Variants in PTPRG observed in about 807,000 individuals in gnomAD.
PTPRG encodes the protein receptor-type tyrosine-protein phosphatase gamma.
Under a neutral mutation model 165.3 loss-of-function variants are expected in PTPRG, and 102 were observed. The observed-to-expected ratio is 0.62, with a 90% CI of 0.53 to 0.73. The LOEUF (loss-of-function observed/expected upper bound fraction) is 0.73, where lower values mean the gene tolerates loss of function less well. PTPRG is among the 30% of genes least tolerant of loss of function. The probability of loss-of-function intolerance (pLI) is 0.00; values close to 1 mark genes in which losing one functional copy is unlikely to be tolerated. For synonymous variants in PTPRG, 675 were observed against 669.5 expected, an observed-to-expected ratio of 1.01 and a Z score of -0.13; for missense variants, 1,866 against 1,861.4, an observed-to-expected ratio of 1.00 and a Z score of -0.05.
intron 5 of PTPRG, among the ~76,000 whole-genome samples, chr3:62,097,904 A>T (rs763716802): frequency 6.6e-6 from 1 of 152,256 alleles, no homozygotes; most frequent in Admixed American, 6.5e-5. Context: ...TTAAATGCAC[A>T]TTATGATGTT....
intron 1 of PTPRG, among the ~76,000 whole-genome samples, chr3:61,683,100 T>C (rs1703507601): frequency 2.0e-5 from 3 of 152,230 alleles, no homozygotes. Flanking sequence ...TACAGGGATG[T>C]CACACCTGGG....
intron 10 of PTPRG, among the ~76,000 whole-genome samples, chr3:62,197,890 CTT>C (rs1376957984): frequency 1.3e-5 from 2 of 152,202 alleles, no homozygotes; most frequent in African/African-American, 4.8e-5. Flanking sequence ...TGTCTACAGA[CTT>C]TCTTTCCTCA....
chr3:61,798,628 T>TTTG (rs1424533695), intron 2 of PTPRG, among the ~76,000 whole-genome samples: 2 of 151,656 alleles, frequency 1.3e-5, no homozygotes, highest in Non-Finnish European at 2.9e-5. Flanking sequence ...GGTTTTTTTT[T>TTTG]TTTTTTTTTT....
chr3:62,165,688 G>A (rs1427151718), intron 7 of PTPRG, among the ~76,000 whole-genome samples: 2 of 152,122 alleles, frequency 1.3e-5, no homozygotes, highest in Non-Finnish European at 2.9e-5. Context: ...TATGTAAAAG[G>A]CAGAAAAAAT....
At chr3:62,175,545 A>G (rs1705387299) in intron 8 of PTPRG, among the ~76,000 whole-genome samples, 1 of 152,224 alleles carries the variant, frequency 6.6e-6, no homozygotes, top group African/African-American at 2.4e-5. Context: ...TTTAATCCTC[A>G]AAACAACCTC....
intron 2 of PTPRG, among the ~76,000 whole-genome samples, chr3:61,974,513 G>C (rs11130865): frequency 6.6e-6 from 1 of 151,520 alleles, no homozygotes; most frequent in Non-Finnish European, 1.5e-5. Context: ...AGATCATGCC[G>C]TTGCACTACA....
intron 2 of PTPRG, among the ~76,000 whole-genome samples, chr3:61,843,676 C>T (rs1393664588): frequency 2.0e-5 from 3 of 152,000 alleles, no homozygotes; most frequent in African/African-American, 4.8e-5. Context: ...AATGTTTATT[C>T]TATCGGCAGG....
At chr3:61,930,738 C>T (rs893865931) in intron 2 of PTPRG, among the ~76,000 whole-genome samples, 4 of 152,088 alleles carry the variant, frequency 2.6e-5, no homozygotes, top group African/African-American at 4.8e-5. Context: ...ATTATGCTGT[C>T]GAACCACTGT....
At chr3:62,267,333 C>T in intron 17 of PTPRG, 77 bp from the exon 18 acceptor site, 2 of 1,114,794 alleles carry the variant, frequency 1.8e-6, no homozygotes, top group Non-Finnish European at 2.6e-6. Flanking sequence ...ACCTGATTGC[C>T]TTGTGTTGTG....
At position 62,274,217 on chromosome 3, in the gene PTPRG, G is replaced by A. The variant is rs1433213810; in HGVS notation, c.3465+373G>A. 2.0e-5 allele frequency among the ~76,000 whole-genome samples: 3 copies of A among 152,030 alleles called. No individual in the cohort carries two copies. The East Asian group carries it at 5.8e-4, about 29-fold the overall frequency. ...AAGAATGATGACTTGTAGACATATT[G>A]TCCTAAAAATATGCCTATTTCAAAA... On this transcript the variant is annotated intron_variant, in intron 23 of 29. Coordinates refer to ENST00000474889, the MANE Select transcript of PTPRG (RefSeq NM_002841.4).
chr3:61,795,594 C>G lies in PTPRG; in HGVS notation c.190+46612C>G, dbSNP rs542742513. ...AGCAGAGGTTGCAGTGAGCCGAGAT[C>G]GTGCCACTGCACTCCAGCCTGGGTG... On this transcript the variant is annotated intron_variant, in intron 2 of 29. Coordinates refer to ENST00000474889, the MANE Select transcript of PTPRG (RefSeq NM_002841.4). Among the ~76,000 whole-genome samples the G allele has an allele frequency of 6.2e-3, 733 of 117,426 alleles. 12 individuals are homozygous for G. Among genetic ancestry groups the G allele is most frequent in the African/African-American group, 0.023 (697 of 30,974 alleles). The allele number at this position is 117,426 out of a possible 152,430, so 77.0% of individuals were successfully genotyped here. A position where few individuals can be genotyped will look rare whatever the true frequency, so the allele number is the denominator to read the frequency against.
intron 4 of PTPRG, among the ~76,000 whole-genome samples, chr3:62,062,341 A>G (rs2106694313): frequency 6.6e-6 from 1 of 152,270 alleles, no homozygotes; most frequent in Non-Finnish European, 1.5e-5. Flanking sequence ...AGCAGGATGA[A>G]CTGTTGTTTG....
intron 1 of PTPRG, among the ~76,000 whole-genome samples, chr3:61,662,220 C>CT (rs1176799330): frequency 2.6e-5 from 4 of 152,178 alleles, no homozygotes; most frequent in Non-Finnish European, 5.9e-5. Flanking sequence ...TTCATGTCTC[C>CT]TGATGAACAT....
rs142348511 is a variant in PTPRG at position 62,104,077 on chromosome 3, A to C, written c.615+25819A>C. Among the ~76,000 whole-genome samples the C allele has an allele frequency of 2.3e-3, 347 of 152,310 alleles. 1 individual carries two copies. Among genetic ancestry groups the C allele is most frequent in the African/African-American group, 7.8e-3 (325 of 41,550 alleles). On this transcript the variant is annotated intron_variant, in intron 5 of 29. Transcript: ENST00000474889. ...ATATTTTTGTTACTTTATGGAGCCTAAGCTTGCTGCTACATGGGAGGGAGC... is the reference window on the plus strand; with the variant it reads ...ATATTTTTGTTACTTTATGGAGCCTCAGCTTGCTGCTACATGGGAGGGAGC...
At chr3:61,839,315 T>C (rs542557761) in intron 2 of PTPRG, among the ~76,000 whole-genome samples, 4 of 152,216 alleles carry the variant, frequency 2.6e-5, no homozygotes, top group South Asian at 4.1e-4. Context: ...GTAGAATGAA[T>C]CTTATTTTAG....
chr3:62,133,283 C>CT (rs1435981638), intron 6 of PTPRG, among the ~76,000 whole-genome samples: 1 of 152,204 alleles, frequency 6.6e-6, no homozygotes, highest in Non-Finnish European at 1.5e-5. Context: ...TCAAGATCCT[C>CT]TAATTTCAAA....
chr3:61,709,385 G>A (rs1014379162), intron 1 of PTPRG, among the ~76,000 whole-genome samples: 1 of 152,134 alleles, frequency 6.6e-6, no homozygotes, highest in Non-Finnish European at 1.5e-5. Flanking sequence ...CGCAATCTCA[G>A]TTTACTGCAA....
At chr3:61,593,673 A>T (rs1700628445) in intron 1 of PTPRG, among the ~76,000 whole-genome samples, 1 of 150,688 alleles carries the variant, frequency 6.6e-6, no homozygotes, top group Admixed American at 6.6e-5. Flanking sequence ...ATTTTTAATG[A>T]GGAGAGAAGT....
intron 16 of PTPRG, among the ~76,000 whole-genome samples, chr3:62,260,267 T>A (rs1701656178): frequency 6.6e-6 from 1 of 152,222 alleles, no homozygotes. Context: ...AATAATTTAT[T>A]CTCAGCTACC....
Sources: gnomAD v4.1 joint callset for allele counts (sites outside exome capture counted in the v4.1 genomes callset) on GRCh38, gnomAD v4.1.1 for gene constraint, MANE v1.5 for transcripts, NCBI Gene and HGNC (gene_info 2026-07-23, HGNC 2026-07-21) for gene names.